KIF2A: variants seen among roughly 807,000 people sequenced by gnomAD.
KIF2A encodes kinesin-like protein KIF2A.
Under a neutral mutation model 100.2 loss-of-function variants are expected in KIF2A, and 22 were observed. The ratio of observed to expected loss-of-function variants is 0.22; its 90% CI spans 0.16 to 0.31. The LOEUF (loss-of-function observed/expected upper bound fraction) is 0.31. Ranked by LOEUF, KIF2A falls within the 10% of genes least tolerant of loss-of-function variation. The pLI, the probability that KIF2A is intolerant of heterozygous loss-of-function variation, is 1.00. For synonymous variants in KIF2A, 268 were observed against 285.9 expected, an observed-to-expected ratio of 0.94 and a Z score of 0.63; for missense variants, 495 against 898.7, an observed-to-expected ratio of 0.55 and a Z score of 5.74.
At chr5:62,318,650 T>C (rs1231180297) in intron 1 of KIF2A, among the ~76,000 whole-genome samples, 2 of 152,156 alleles carry the variant, frequency 1.3e-5, no homozygotes, top group Non-Finnish European at 2.9e-5. Flanking sequence ...ATTACTCAGA[T>C]TTTTTCCTTT....
chr5:62,351,659 C>A (rs1482264417), intron 4 of KIF2A, among the ~76,000 whole-genome samples: 1 of 151,940 alleles, frequency 6.6e-6, no homozygotes, highest in South Asian at 2.1e-4. Context: ...ATTTATATTT[C>A]TTTTAAAATT....
At chr5:62,325,532 T>C (rs1746333547) in intron 1 of KIF2A, among the ~76,000 whole-genome samples, 2 of 151,884 alleles carry the variant, frequency 1.3e-5, no homozygotes, top group South Asian at 4.1e-4. Context: ...CCAACAGGTA[T>C]ATGAAAAAAT....
intron 1 of KIF2A, among the ~76,000 whole-genome samples, chr5:62,325,686 C>T (rs1746340230): frequency 6.6e-6 from 1 of 152,194 alleles, no homozygotes; most frequent in African/African-American, 2.4e-5. Flanking sequence ...CACTCACACA[C>T]TGTTGGTGGA....
rs1293218793 is a variant in KIF2A, at chr5:62,348,103, T to C, written c.215T>C (p.Ile72Thr). The change falls in exon 3 of 21, where the codon ATT (isoleucine) becomes ACT (threonine). Residue 72 changes from isoleucine (I) to threonine (T), a missense_variant. By Grantham distance (89) the Ile-to-Thr change is moderately conservative (BLOSUM62 -1). This residue lies in a region of KIF2A where 115 missense variants were observed against 143.6 expected (regional missense o/e 0.80). Transcript: ENST00000407818. ...LNPDLVPDEE[I>T]EPSPETPPPP... ...CCTGACCTTGTTCCTGATGAAGAAA[T>C]TGAACCCAGTCCAGAAACACCTCCA... The C allele has an allele frequency of 6.2e-7, 1 of 1,613,818 alleles. No individual in the cohort carries two copies. Among genetic ancestry groups the C allele is most frequent in the Admixed American group, 1.7e-5 (1 of 60,022 alleles).
intron 1 of KIF2A, among the ~76,000 whole-genome samples, chr5:62,337,292 G>A (rs1747012015): frequency 6.6e-6 from 1 of 152,128 alleles, no homozygotes; most frequent in South Asian, 2.1e-4. Context: ...AGGAGTTCCA[G>A]ACCAGCCTGG....
intron 1 of KIF2A, chr5:62,308,241 G>A (rs1287778903): frequency 2.5e-6 from 2 of 795,304 alleles, no homozygotes; most frequent in Non-Finnish European, 3.6e-6. Context: ...TACTTGGGTT[G>A]AGGTTTCTTT....
Position 62,361,322 on chromosome 5 carries a change from G to GA in KIF2A, c.958dup (p.Thr320AsnfsTer7). 6.2e-7 allele frequency: 1 copy of GA among 1,602,818 alleles called. No homozygotes were observed. The highest frequency in any genetic ancestry group is 8.5e-7 in the Non-Finnish European group (1 of 1,171,734). On this transcript the variant is annotated frameshift_variant, in exon 10 of 21. Coordinates refer to ENST00000407818, the MANE Select transcript of KIF2A (RefSeq NM_001098511.3). LOFTEE classifies it high-confidence loss of function. ...TTTGCTTATGGGCAGACTGGAAGTG[G>GA]AAAAACTCATGTAAGTAATTTATTA...
At chr5:62,324,399 G>A (rs144458602) in intron 1 of KIF2A, among the ~76,000 whole-genome samples, 2 of 152,074 alleles carry the variant, frequency 1.3e-5, no homozygotes, top group African/African-American at 4.8e-5. Flanking sequence ...CCTAATAGCC[G>A]AAACAATCCT....
intron 15 of KIF2A, among the ~76,000 whole-genome samples, chr5:62,365,735 G>T (rs983807978): frequency 1.3e-5 from 2 of 152,080 alleles, no homozygotes; most frequent in Non-Finnish European, 2.9e-5. Flanking sequence ...AAGATTATTG[G>T]TTTTTTGTAT....
chr5:62,384,169 GGGGCGGA>G, intron 20 of KIF2A, among the ~76,000 whole-genome samples: 1 of 152,216 alleles, frequency 6.6e-6, no homozygotes, highest in South Asian at 2.1e-4. Flanking sequence ...CCCGGGGCAG[GGGGCGGA>G]GGGCGGAGGT....
At chr5:62,369,193 A>G (rs949593721) in intron 16 of KIF2A, among the ~76,000 whole-genome samples, 2 of 152,238 alleles carry the variant, frequency 1.3e-5, no homozygotes, top group African/African-American at 4.8e-5. Context: ...CAACATGACT[A>G]ACCATCTGGG....
At chr5:62,362,388 T>C in intron 11 of KIF2A, 62 bp from the exon 12 acceptor site, 1 of 726,152 alleles carries the variant, frequency 1.4e-6, no homozygotes, top group Admixed American at 3.9e-5. Context: ...AATAGAAAAT[T>C]TGAGTTGCTT....
At chr5:62,311,531 G>A (rs1745551648) in intron 1 of KIF2A, among the ~76,000 whole-genome samples, 1 of 152,136 alleles carries the variant, frequency 6.6e-6, no homozygotes, top group African/African-American at 2.4e-5. Context: ...TTCAGGGCAG[G>A]CAAAGAAAAT....
At chr5:62,349,735 A>G (rs1480111955) in intron 3 of KIF2A, among the ~76,000 whole-genome samples, 1 of 152,186 alleles carries the variant, frequency 6.6e-6, no homozygotes, top group Non-Finnish European at 1.5e-5. Context: ...TATTATTGTG[A>G]AGCTACTTAA....
rs2111942204 is a variant in KIF2A, at chr5:62,358,210, A to G, written c.783A>G (p.Gln261=). Residue 261 remains glutamine (Q), a synonymous_variant, in exon 9 of 21, where the codon CAA becomes CAG. Transcript: ENST00000407818. ...KDVVMVHEPK[Q]KVDLTRYLEN... ...TTGTGATGGTACATGAACCAAAACAAAAAGTAGATTTAACAAGGTACCTAG... is the reference window on the plus strand; with the variant it reads ...TTGTGATGGTACATGAACCAAAACAGAAAGTAGATTTAACAAGGTACCTAG... The G allele has an allele frequency of 1.2e-6, 2 of 1,606,438 alleles. No individual in the cohort carries two copies. The highest frequency in any genetic ancestry group is 2.7e-5 in the African/African-American group (2 of 74,556).
At chr5:62,372,307 C>G (rs913414393) in intron 16 of KIF2A, 131 bp from the exon 17 acceptor site, 1 of 636,666 alleles carries the variant, frequency 1.6e-6, no homozygotes, top group African/African-American at 1.9e-5. Context: ...AAATAATATT[C>G]TAAATACATT....
chr5:62,352,268 T>C (rs942402157), intron 4 of KIF2A, among the ~76,000 whole-genome samples: 7 of 152,090 alleles, frequency 4.6e-5, no homozygotes, highest in African/African-American at 1.7e-4. Context: ...TTTTCACATA[T>C]ATATTTTAAA....
chr5:62,372,878 T>C (rs565277875), intron 17 of KIF2A, among the ~76,000 whole-genome samples: 53 of 152,260 alleles, frequency 3.5e-4, no homozygotes, highest in Non-Finnish European at 7.1e-4. Context: ...AATGAAGAGA[T>C]TGCCTTTATG....
intron 1 of KIF2A, among the ~76,000 whole-genome samples, chr5:62,328,489 G>C (rs1449631782): frequency 6.6e-6 from 1 of 152,134 alleles, no homozygotes; most frequent in Non-Finnish European, 1.5e-5. Flanking sequence ...AAACTACAGT[G>C]ATTTAATACT....
Sources: gnomAD v4.1 joint callset for allele counts (sites outside exome capture counted in the v4.1 genomes callset) on GRCh38, gnomAD v4.1.1 for gene constraint, gnomAD v4.1.1 regional missense constraint, MANE v1.5 for transcripts, NCBI Gene and HGNC (gene_info 2026-07-23, HGNC 2026-07-21) for gene names.